The following GRIN2C variants were observed in gnomAD, a reference collection of about 807,000 sequenced individuals.
GRIN2C encodes the protein glutamate receptor ionotropic, NMDA 2C.
A neutral mutation model predicts 77.7 loss-of-function variants in GRIN2C; 64 were observed. The observed-to-expected ratio is 0.82, with a 90% CI of 0.67 to 1.01. The LOEUF is 1.01. GRIN2C is among the 50% of genes least tolerant of loss of function. The pLI, the probability that GRIN2C is intolerant of heterozygous loss-of-function variation, is 0.00. For missense variants in GRIN2C, 1,549 were observed against 1,486.0 expected (o/e 1.04, Z -0.70); for synonymous variants, 792 against 643.4 (o/e 1.23, Z -3.49).
rs1435115599 is a variant in GRIN2C, at chr17:74,843,204, G to T, written c.2933C>A (p.Pro978Gln). 3 of 448,202 alleles carry T rather than the reference G, an allele frequency of 6.7e-6. No homozygotes were observed. The highest frequency in any genetic ancestry group is 4.5e-5 in the Admixed American group (1 of 22,308). 27.8% of individuals were successfully genotyped at this position (448,202 alleles called of 1,614,324 possible). A position where few individuals can be genotyped will look rare whatever the true frequency, so the allele number is the denominator to read the frequency against. Residue 978 changes from proline (P) to glutamine (Q), a missense_variant, in exon 13 of 13, where the codon CCG (proline) becomes CAG (glutamine). Pro to Gln is a moderately conservative substitution (Grantham distance 76). Coordinates refer to ENST00000293190, the MANE Select transcript of GRIN2C (RefSeq NM_000835.6). ...CGGCCCCGGCGTCGGGGGGCGGCCC[G>T]GGGGCTGCGGAGCCCTGCGCACAAG... ...AALVRRAPQP[P>Q]GRPPTPGPPL...
chr17:74,845,161 C>T (rs1014040190), intron 11 of GRIN2C, among the ~76,000 whole-genome samples: 7 of 152,058 alleles, frequency 4.6e-5, no homozygotes, highest in Non-Finnish European at 1.0e-4. Context: ...ATCTCCTAGA[C>T]TTAAGCAATC....
rs1324401108 is a variant in GRIN2C, at chr17:74,851,613, C to T, written c.1077G>A (p.Val359=). The change falls in exon 4 of 13, where the codon GTG becomes GTA. Residue 359 remains valine (V), a synonymous_variant. Coordinates refer to ENST00000293190, the MANE Select transcript of GRIN2C (RefSeq NM_000835.6). ...PGGYLVQPTM[V]VIALNRHRLW... ...GGCGGTGCCGGTTGAGGGCGATCAC[C>T]ACCATGGTGGGCTGGACCAGGTACC... The T allele has an allele frequency of 1.3e-6, 2 of 1,567,048 alleles. No homozygotes were observed. The highest frequency in any genetic ancestry group is 4.7e-5 in the East Asian group (2 of 42,560).
intron 1 of GRIN2C, among the ~76,000 whole-genome samples, chr17:74,856,758 C>A (rs532893490): frequency 1.3e-5 from 2 of 152,126 alleles, no homozygotes; most frequent in African/African-American, 4.8e-5. Context: ...GGATTACAGG[C>A]GTCAGCCACC....
chr17:74,845,201 A>T (rs1403011658), intron 11 of GRIN2C, among the ~76,000 whole-genome samples: 3 of 149,126 alleles, frequency 2.0e-5, no homozygotes, highest in East Asian at 4.0e-4. Context: ...AAGTGCTGGG[A>T]TTACAGGTAT....
At position 74,847,272 on chromosome 17, in the gene GRIN2C, GC is replaced by G. The variant is rs3833106; in HGVS notation, c.2001+35del. On this transcript the variant is annotated intron_variant, in intron 9 of 12. Coordinates refer to ENST00000293190, the MANE Select transcript of GRIN2C (RefSeq NM_000835.6). This position sits in a 1 kb window ranked among gnomAD's most constrained non-coding sequence, Gnocchi z 5.2. ...CTCACGGCCTGTCCCCACCCTCAGT[GC>G]CCCCCCCCACCCCCAGCAGCTATGG... The G allele has an allele frequency of 0.25, 171,048 of 688,954 alleles. 17,644 individuals carry two copies. The highest frequency in any genetic ancestry group is 0.39 in the East Asian group (12,635 of 31,996). The allele number at this position is 688,954 out of a possible 1,614,324, so 42.7% of individuals were successfully genotyped here.
In GRIN2C at chr17:74,846,090, C is replaced by G. The variant is rs1207483218; in HGVS notation, c.2326G>C (p.Ala776Pro). 1 of 1,614,188 alleles carries G rather than the reference C, an allele frequency of 6.2e-7. No homozygotes were observed. Reference sequence around the variant, plus strand: ...CCGTCCCCCAGGAACTGCAAGAGCGCCAGGTCTATGGCCCGCTTCCAGTGG... The same window carrying G: ...CCGTCCCCCAGGAACTGCAAGAGCGGCAGGTCTATGGCCCGCTTCCAGTGG... ...DSHWKRAIDL[A>P]LLQFLGDGET... The change falls in exon 11 of 13, where the codon GCG (alanine) becomes CCG (proline). Residue 776 changes from alanine to proline, a missense_variant. By Grantham distance (27) the Ala-to-Pro change is conservative. Coordinates refer to ENST00000293190, the MANE Select transcript of GRIN2C (RefSeq NM_000835.6). This position sits in a 1 kb window ranked among gnomAD's most constrained non-coding sequence, Gnocchi z 4.4.
Position 74,855,047 on chromosome 17 carries a change from C to G in GRIN2C, c.46G>C (p.Gly16Arg), listed in dbSNP as rs762668677. 6 of 1,598,278 alleles carry G rather than the reference C, an allele frequency of 3.8e-6. No individual in the cohort carries two copies. In the East Asian group the frequency reaches 6.7e-5, roughly 18 times the overall value. Residue 16 changes from glycine to arginine, a missense_variant, in exon 2 of 13, where the codon GGT (glycine) becomes CGT (arginine). Around this residue, in one of 3 missense-constraint regions of GRIN2C, gnomAD observed 382 missense variants for 360.0 expected, o/e 1.06. Transcript: ENST00000293190. ...GPALLLTSLF[G>R]AWAGLGPGQG... is the part of the protein sequence containing the mutation. ...CCCGGACCCAGCCCTGCCCAGGCACCGAAGAGCGAGGTGAGCAACAGGGCC... is the reference window on the plus strand; with the variant it reads ...CCCGGACCCAGCCCTGCCCAGGCACGGAAGAGCGAGGTGAGCAACAGGGCC...
chr17:74,860,393 C>T (rs2037924161), upstream of GRIN2C: 1 of 456,584 alleles, frequency 2.2e-6, no homozygotes, highest in Non-Finnish European at 4.4e-6. Flanking sequence ...GCTGGGAAAC[C>T]GAGTGGACGA....
rs370702335 is a variant in GRIN2C, at chr17:74,850,399, G to A, written c.1326-28C>T. The A allele has an allele frequency of 7.3e-5, 117 of 1,603,916 alleles. No homozygotes were observed. The highest frequency in any genetic ancestry group is 2.1e-4 in the South Asian group (19 of 91,016). ...GCAGCCATGCCGCCATGAGACCACCGGGAGTCAGAGTATGTCGTGGCCCAG... is the reference window on the plus strand; with the variant it reads ...GCAGCCATGCCGCCATGAGACCACCAGGAGTCAGAGTATGTCGTGGCCCAG... On this transcript the variant is annotated intron_variant, in intron 5 of 12. Transcript: ENST00000293190. This position sits in a 1 kb window ranked among gnomAD's most constrained non-coding sequence, Gnocchi z 5.3.
chr17:74,843,653 A>G, intron 12 of GRIN2C, 100 bp from the exon 13 acceptor site: 1 of 1,407,904 alleles, frequency 7.1e-7, no homozygotes, highest in Non-Finnish European at 9.5e-7. Context: ...AGTCTTCTAT[A>G]AGTCTCAGGA....
In GRIN2C at chr17:74,855,066, C is replaced by G. The variant is rs759493632; in HGVS notation, c.27G>C (p.Leu9=). The change falls in exon 2 of 13, where the codon CTG becomes CTC. Residue 9 remains leucine, a synonymous_variant. Coordinates refer to ENST00000293190, the MANE Select transcript of GRIN2C (RefSeq NM_000835.6). MGGALGPA[L]LLTSLFGAWA... ...AGGCACCGAAGAGCGAGGTGAGCAA[C>G]AGGGCCGGCCCCAGGGCCCCACCCA... 1.3e-6 allele frequency: 2 copies of G among 1,593,276 alleles called. No homozygotes were observed. Among genetic ancestry groups the G allele is most frequent in the African/African-American group, 1.3e-5 (1 of 74,784 alleles).
rs956140743 is a variant in GRIN2C, at chr17:74,847,700, C to CTG, written c.1771+150_1771+151dup. The stretch of plus-strand genomic sequence containing the variant: ...GTGAAGTGAGCTCACGTGTGTGTTT[C>CTG]TGTGTGTGTGTGTCATCTGACTGGC... On this transcript the variant is annotated intron_variant, in intron 8 of 12. Coordinates refer to ENST00000293190, the MANE Select transcript of GRIN2C (RefSeq NM_000835.6). The surrounding 1 kb of genome is among the most constrained non-coding windows in gnomAD (Gnocchi z 5.2). 40 of 851,820 alleles carry CTG rather than the reference C, an allele frequency of 4.7e-5. No individual in the cohort carries two copies. The highest frequency in any genetic ancestry group is 1.1e-4 in the Admixed American group (5 of 45,888). 52.8% of individuals were successfully genotyped at this position (851,820 alleles called of 1,614,324 possible).
chr17:74,846,261 C>T lies in GRIN2C; in HGVS notation c.2163-8G>A. On this transcript the variant is annotated splice_region_variant and splice_polypyrimidine_tract_variant and intron_variant, in intron 10 of 12. Coordinates refer to ENST00000293190, the MANE Select transcript of GRIN2C (RefSeq NM_000835.6). The surrounding 1 kb of genome is among the most constrained non-coding windows in gnomAD (Gnocchi z 4.4). Reference sequence around the variant, plus strand: ...ATGAAGGCATCCAGCTTCCTGGGGACAGGCTGAGCCTCAGAGCTAGGGACC... The same window carrying T: ...ATGAAGGCATCCAGCTTCCTGGGGATAGGCTGAGCCTCAGAGCTAGGGACC... The T allele has an allele frequency of 6.2e-7, 1 of 1,613,410 alleles. No homozygotes were observed.
chr17:74,847,714 C>T lies in GRIN2C; in HGVS notation c.1771+138G>A. Reference sequence around the variant, plus strand: ...CGTGTGTGTTTCTGTGTGTGTGTGTCATCTGACTGGCCCCCAGCATGTGCC... The same window carrying T: ...CGTGTGTGTTTCTGTGTGTGTGTGTTATCTGACTGGCCCCCAGCATGTGCC... On this transcript the variant is annotated intron_variant, in intron 8 of 12. Coordinates refer to ENST00000293190, the MANE Select transcript of GRIN2C (RefSeq NM_000835.6). This position sits in a 1 kb window ranked among gnomAD's most constrained non-coding sequence, Gnocchi z 5.2. 2 of 891,288 alleles carry T rather than the reference C, an allele frequency of 2.2e-6. No homozygotes were observed. The highest frequency in any genetic ancestry group is 3.1e-5 in the South Asian group (2 of 64,898). 55.2% of individuals were successfully genotyped at this position (891,288 alleles called of 1,614,324 possible).
chr17:74,843,062 C>A lies in GRIN2C; in HGVS notation c.3075G>T (p.Ala1025=), dbSNP rs1043545441. The A allele has an allele frequency of 2.2e-6, 1 of 461,202 alleles. No individual in the cohort carries two copies. Among genetic ancestry groups the A allele is most frequent in the East Asian group, 3.6e-5 (1 of 28,146 alleles). The allele number at this position is 461,202 out of a possible 1,614,324, so 28.6% of individuals were successfully genotyped here. Residue 1025 remains alanine, a synonymous_variant, in exon 13 of 13, where the codon GCG becomes GCT. Transcript: ENST00000293190. ...LSASERPLSP[A]RCHYSSFPRA... The stretch of plus-strand genomic sequence containing the variant: ...GAGGAAAGGAGCTGTAGTGACAGCG[C>A]GCGGGCGACAGGGGCCGCTCGGAGG...
rs2037333522 is a variant in GRIN2C, at chr17:74,842,848, G to A, written c.3289C>T (p.Pro1097Ser). Residue 1097 changes from proline to serine, a missense_variant, in exon 13 of 13, where the codon CCC becomes TCC. This residue lies in a region of GRIN2C where 450 missense variants were observed against 267.9 expected (regional missense o/e 1.68). Transcript: ENST00000293190. Reference sequence around the variant, plus strand: ...CAGGCGGGGCCGGTGCACCCAGCGGGCAGCGAGCTGGGCCGAGCGAAGGCC... The same window carrying A: ...CAGGCGGGGCCGGTGCACCCAGCGGACAGCGAGCTGGGCCGAGCGAAGGCC... ...AEAFARPSSL[P>S]AGCTGPACAR... The A allele has an allele frequency of 3.4e-6, 2 of 588,280 alleles. No individual in the cohort carries two copies. 36.4% of individuals were successfully genotyped at this position (588,280 alleles called of 1,614,324 possible).
chr17:74,860,585 C>T (rs1440096288), upstream of GRIN2C: 8 of 442,832 alleles, frequency 1.8e-5, no homozygotes, highest in Non-Finnish European at 3.7e-5. Context: ...CGTCGGGGAT[C>T]CTGGGCGAAG....
chr17:74,844,432 C>A lies in GRIN2C; in HGVS notation c.2427G>T (p.Lys809Asn), dbSNP rs781523202. ...QNEKNEVMSS[K>N]LDIDNMAGVF... ...CGCCTGCCATGTTGTCGATGTCCAG[C>A]TTGCTGCTCATCACCTCGTTCTTCT... The change falls in exon 12 of 13, where the codon AAG (lysine) becomes AAT (asparagine). Residue 809 changes from lysine to asparagine, a missense_variant. Coordinates refer to ENST00000293190, the MANE Select transcript of GRIN2C (RefSeq NM_000835.6). 6.2e-7 allele frequency: 1 copy of A among 1,614,264 alleles called. No homozygotes were observed. The highest frequency in any genetic ancestry group is 8.5e-7 in the Non-Finnish European group (1 of 1,180,056).
Position 74,859,772 on chromosome 17 carries a change from T to C in GRIN2C, c.-44A>G, listed in dbSNP as rs2144628310. 1 of 152,954 alleles carries C rather than the reference T, an allele frequency of 6.5e-6. No homozygotes were observed. The highest frequency in any genetic ancestry group is 2.4e-5 in the African/African-American group (1 of 41,512). 9.5% of individuals were successfully genotyped at this position (152,954 alleles called of 1,614,324 possible). On this transcript the variant is annotated 5_prime_UTR_variant, in exon 1 of 13. It removes the in-frame stop codon of an upstream open reading frame in the 5' UTR. Transcript: ENST00000293190. The surrounding 1 kb of genome is among the most constrained non-coding windows in gnomAD (Gnocchi z 5.9). ...CGGGCTGTGAAGTTCGGGGTATTTT[T>C]AGGCCGGCGATAAATAATTCATAGG...
Sources: allele counts gnomAD v4.1 joint callset (sites outside exome capture counted in the v4.1 genomes callset), GRCh38; gene constraint gnomAD v4.1.1; regional missense constraint gnomAD v4.1.1; non-coding constraint Gnocchi (gnomAD v3.1); transcripts MANE v1.5; gene names NCBI Gene and HGNC (gene_info 2026-07-23, HGNC 2026-07-21).